Variants in TP53BP2 observed in about 807,000 individuals in gnomAD.
TP53BP2 encodes tumor protein p53 binding protein 2.
In TP53BP2, 62 loss-of-function variants were observed where a neutral mutation model predicts 126.2. That is an observed-to-expected ratio of 0.49 (90% CI 0.40 to 0.61). The LOEUF is 0.61. Among genes scored for constraint, TP53BP2 ranks in the 20% least tolerant of loss-of-function variants. TP53BP2 has a pLI of 0.00. For missense variants in TP53BP2, 1,215 were observed against 1,402.8 expected (o/e 0.87, Z 2.14); for synonymous variants, 485 against 502.9 (o/e 0.96, Z 0.48).
Position 223,802,286 on chromosome 1 carries a change from G to A in TP53BP2, c.1055C>T (p.Ala352Val). The A allele has an allele frequency of 6.2e-7, 1 of 1,614,250 alleles. No individual in the cohort carries two copies. ...QAASAPSRVA[A>V]VGPYIQSSTM... is the part of the protein sequence containing the mutation. ...AGACGACTGGATATAGGGACCTACT[G>A]CAGCCACACGGCTTGGGGCTGACGC... The change falls in exon 9 of 18, where the codon GCA (alanine) becomes GTA (valine). Residue 352 changes from alanine (A) to valine (V), a missense_variant. By Grantham distance (64) the Ala-to-Val change is moderately conservative. Coordinates refer to ENST00000343537, the MANE Select transcript of TP53BP2 (RefSeq NM_001031685.3).
At chr1:223,809,253 T>C (rs1662828929) in intron 4 of TP53BP2, among the ~76,000 whole-genome samples, 1 of 152,094 alleles carries the variant, frequency 6.6e-6, no homozygotes, top group Admixed American at 6.6e-5. Context: ...CATCTTTTCA[T>C]CATTGTAAGA....
chr1:223,845,194 G>C (rs1664223832), intron 1 of TP53BP2: 1 of 971,336 alleles, frequency 1.0e-6, no homozygotes, highest in African/African-American at 1.8e-5. Context: ...TGCTACTGTG[G>C]ATATCAAGAT....
intron 1 of TP53BP2, among the ~76,000 whole-genome samples, chr1:223,830,224 A>G (rs1222962786): frequency 6.6e-6 from 1 of 152,212 alleles, no homozygotes; most frequent in East Asian, 1.9e-4. Context: ...GAGCACCCCA[A>G]TCCAAATATC....
intron 2 of TP53BP2, among the ~76,000 whole-genome samples, chr1:223,817,850 T>C (rs1047484759): frequency 6.8e-6 from 1 of 146,858 alleles, no homozygotes; most frequent in Admixed American, 6.9e-5. Flanking sequence ...CACCTGAACA[T>C]AGGAGGCAGA....
At chr1:223,837,163 G>GGGGGGGGGA (rs1553264323) in intron 1 of TP53BP2, among the ~76,000 whole-genome samples, 1 of 124,818 alleles carries the variant, frequency 8.0e-6, no homozygotes, top group African/African-American at 3.1e-5. Flanking sequence ...AAAGGGGGGG[G>GGGGGGGGGA]GCGGGGGGTC....
intron 15 of TP53BP2, among the ~76,000 whole-genome samples, chr1:223,792,039 G>C (rs1347584542): frequency 1.3e-5 from 2 of 152,128 alleles, no homozygotes; most frequent in Non-Finnish European, 1.5e-5. Context: ...TTAATATATT[G>C]AAGACTGAAC....
intron 2 of TP53BP2, among the ~76,000 whole-genome samples, chr1:223,817,640 T>C (rs376804021): frequency 2.6e-5 from 4 of 152,100 alleles, no homozygotes; most frequent in Admixed American, 2.0e-4. Context: ...TATGTGATAA[T>C]TTAAAAATAA....
chr1:223,838,059 G>T (rs1482407656), intron 1 of TP53BP2, among the ~76,000 whole-genome samples: 3 of 152,050 alleles, frequency 2.0e-5, no homozygotes, highest in Non-Finnish European at 4.4e-5. Flanking sequence ...TGTCATTCAG[G>T]TCTCAGCTGA....
intron 16 of TP53BP2, among the ~76,000 whole-genome samples, chr1:223,786,581 C>CGTGTGTGTGCGTGTGTGCGTGTGTGTGT (rs1661965439): frequency 6.9e-6 from 1 of 144,500 alleles, no homozygotes; most frequent in African/African-American, 2.6e-5. Flanking sequence ...TGCGTGTGTG[C>CGTGTGTGTGCGTGTGTGCGTGTGTGTGT]GTGTGTGTGT....
intron 1 of TP53BP2, among the ~76,000 whole-genome samples, chr1:223,831,097 C>CA (rs112287768): frequency 0.27 from 40,617 of 150,992 alleles, 7,400 homozygotes; most frequent in African/African-American, 0.52. Flanking sequence ...GACTCTTTCT[C>CA]AAAAAGCAGG....
At chr1:223,783,515 T>C (rs1002402344) in intron 17 of TP53BP2, among the ~76,000 whole-genome samples, 11 of 152,144 alleles carry the variant, frequency 7.2e-5, no homozygotes, top group Admixed American at 6.5e-4. Context: ...CACACACAAC[T>C]GCTATAAGAG....
chr1:223,842,332 TTAAATA>T (rs1664127562), intron 1 of TP53BP2, among the ~76,000 whole-genome samples: 1 of 152,238 alleles, frequency 6.6e-6, no homozygotes, highest in Non-Finnish European at 1.5e-5. Context: ...ATGTGGCTAT[TTAAATA>T]TAATTAAAAT....
At chr1:223,820,795 G>A (rs1450214416) in intron 2 of TP53BP2, among the ~76,000 whole-genome samples, 5 of 152,148 alleles carry the variant, frequency 3.3e-5, no homozygotes, top group Non-Finnish European at 7.3e-5. Flanking sequence ...TTGATTTCAA[G>A]GCTTACAATA....
chr1:223,786,211 G>C (rs1369049995), intron 16 of TP53BP2, among the ~76,000 whole-genome samples: 1 of 152,142 alleles, frequency 6.6e-6, no homozygotes, highest in Non-Finnish European at 1.5e-5. Context: ...TTAGTTATAG[G>C]ACTCATATAC....
chr1:223,820,244 G>A (rs1171643807), intron 2 of TP53BP2, among the ~76,000 whole-genome samples: 1 of 152,218 alleles, frequency 6.6e-6, no homozygotes, highest in Non-Finnish European at 1.5e-5. Context: ...GGAAGAAGCA[G>A]AGAAGAAAAT....
In TP53BP2 at chr1:223,822,820, AC is replaced by A. The variant is rs909067779; in HGVS notation, c.28-1454del. Among the ~76,000 whole-genome samples, 108 of 152,322 alleles carry A rather than the reference AC, an allele frequency of 7.1e-4. 1 individual carries two copies. Among genetic ancestry groups the A allele is most frequent in the Admixed American group, 7.0e-3 (107 of 15,302 alleles). The stretch of plus-strand genomic sequence containing the variant: ...CTTGTTAATTTCCAATGCTGAAGAA[AC>A]GAAGTGAAACAGGAAACAAGTTTTC... On this transcript the variant is annotated intron_variant, in intron 1 of 17. Transcript: ENST00000343537.
chr1:223,792,345 T>C (rs1266216991), intron 15 of TP53BP2, 44 bp downstream of exon 15: 2 of 1,564,098 alleles, frequency 1.3e-6, no homozygotes, highest in African/African-American at 2.7e-5. Context: ...TATAAACCGA[T>C]TCCCACAACT....
rs1661753024 is a variant in TP53BP2, at chr1:223,780,898, C to A, written c.3364-4G>T. ...TTGGTTTAATTCTTGGGTACAGCTG[C>A]AAGAGAGTTTAAAAAATTTTACATA... On this transcript the variant is annotated splice_polypyrimidine_tract_variant and splice_region_variant and intron_variant, in intron 17 of 17. Coordinates refer to ENST00000343537, the MANE Select transcript of TP53BP2 (RefSeq NM_001031685.3). 3 of 1,612,424 alleles carry A rather than the reference C, an allele frequency of 1.9e-6. No homozygotes were observed. The East Asian group carries it at 6.7e-5, about 36-fold the overall frequency.
intron 17 of TP53BP2, among the ~76,000 whole-genome samples, 166 bp from the exon 18 acceptor site, chr1:223,781,060 C>T (rs894991305): frequency 2.0e-5 from 3 of 152,172 alleles, no homozygotes; most frequent in African/African-American, 7.2e-5. Context: ...CGTTTAGCAA[C>T]GTGGTCATAG....
Sources: allele counts gnomAD v4.1 joint callset (sites outside exome capture counted in the v4.1 genomes callset), GRCh38; gene constraint gnomAD v4.1.1; transcripts MANE v1.5; gene names NCBI Gene and HGNC (gene_info 2026-07-23, HGNC 2026-07-21).